Variants in NDUFC2 observed in about 807,000 individuals in gnomAD.
NDUFC2 encodes the protein NADH dehydrogenase [ubiquinone] 1 subunit C2.
NDUFC2 carries 2 observed loss-of-function variants against 10.1 expected under a neutral mutation model. The observed-to-expected ratio is 0.20, with a 90% CI of 0.08 to 0.62. NDUFC2 has a LOEUF of 0.62. Among genes scored for constraint, NDUFC2 ranks in the 20% least tolerant of loss-of-function variants. The pLI is 0.87. For missense variants in NDUFC2, 156 were observed against 159.6 expected (o/e 0.98, Z 0.12); for synonymous variants, 61 against 63.6 (o/e 0.96, Z 0.20).
chr11:78,077,570 T>C (rs867037716), intron 1 of NDUFC2, among the ~76,000 whole-genome samples: 38 of 152,202 alleles, frequency 2.5e-4, no homozygotes, highest in African/African-American at 8.9e-4. Flanking sequence ...TATTTATTTA[T>C]TGGAGACAAG....
chr11:78,072,013 C>A (rs559287301), intron 2 of NDUFC2, among the ~76,000 whole-genome samples: 1 of 152,078 alleles, frequency 6.6e-6, no homozygotes, highest in East Asian at 1.9e-4. Context: ...GACGAAGCTA[C>A]AATCCATGAA....
intron 1 of NDUFC2, among the ~76,000 whole-genome samples, chr11:78,078,728 C>CTTTTTTTTTT (rs71046953): frequency 0.016 from 987 of 61,550 alleles, 257 homozygotes; most frequent in Non-Finnish European, 0.024. Context: ...TCAGGATCCG[C>CTTTTTTTTTT]TTTTTTTTTT....
intron 1 of NDUFC2, among the ~76,000 whole-genome samples, chr11:78,074,948 C>A (rs974539230): frequency 3.3e-5 from 5 of 152,200 alleles, no homozygotes; most frequent in Non-Finnish European, 7.3e-5. Flanking sequence ...AGCATCCTAG[C>A]CCTAAAGGCA....
chr11:78,079,796 AAACCACGAC>A lies in NDUFC2; in HGVS notation c.-61_-53del. Reference sequence around the variant, plus strand: ...GGTCTCAGACCACGAACTACAAGGAAAACCACGACGACCACTACCCCGGCCTAAGCGGTC... The same window carrying A: ...GGTCTCAGACCACGAACTACAAGGAAGACCACTACCCCGGCCTAAGCGGTC... On this transcript the variant is annotated 5_prime_UTR_variant, in exon 1 of 3. Coordinates refer to ENST00000281031, the MANE Select transcript of NDUFC2 (RefSeq NM_004549.6). 6.4e-7 allele frequency: 1 copy of A among 1,554,928 alleles called. No homozygotes were observed. The highest frequency in any genetic ancestry group is 8.7e-7 in the Non-Finnish European group (1 of 1,156,018).
chr11:78,078,045 G>C (rs1420770658), intron 1 of NDUFC2, among the ~76,000 whole-genome samples: 1 of 152,164 alleles, frequency 6.6e-6, no homozygotes, highest in Non-Finnish European at 1.5e-5. Context: ...AATACTATTT[G>C]AGCACTGGAA....
At chr11:78,073,231 C>T (rs930059681) in intron 1 of NDUFC2, 90 bp from the exon 2 acceptor site, 2 of 1,586,018 alleles carry the variant, frequency 1.3e-6, no homozygotes, top group Admixed American at 3.7e-5. Context: ...GTGGCTCACA[C>T]CTGTAATCCC....
chr11:78,075,564 T>C (rs1208500560), intron 1 of NDUFC2, among the ~76,000 whole-genome samples: 2 of 152,222 alleles, frequency 1.3e-5, no homozygotes, highest in Non-Finnish European at 2.9e-5. Context: ...TTTTATTTCA[T>C]TGATAGAAAT....
In NDUFC2 at chr11:78,079,623, C is replaced by T; in HGVS notation, c.122G>A (p.Gly41Asp). 1 of 1,570,656 alleles carries T rather than the reference C, an allele frequency of 6.4e-7. No individual in the cohort carries two copies. ...CCGCCGGATTAGGTTATCAATCAGG[C>T]CGGAGCAGTAGCCCAAGAAGCCGAT... The part of the protein sequence containing the change: ...LYIGFLGYCS[G>D]LIDNLIRRRP... The change falls in exon 1 of 3, where the codon GGC becomes GAC. Residue 41 changes from glycine to aspartate, a missense_variant. Gly to Asp is a moderately conservative substitution (Grantham distance 94, BLOSUM62 -1). Transcript: ENST00000281031.
intron 1 of NDUFC2, among the ~76,000 whole-genome samples, chr11:78,077,643 C>CGTCCTGGGCTCAAGTGATT (rs1859309125): frequency 2.0e-5 from 3 of 151,982 alleles, no homozygotes; most frequent in Non-Finnish European, 2.9e-5. Context: ...GCAGCCTCAA[C>CGTCCTGGGCTCAAGTGATT]CTCCTGGGCT....
In NDUFC2 at chr11:78,068,553, A is replaced by G. The variant is rs148257064; in HGVS notation, c.*1434T>C. The G allele has an allele frequency of 6.6e-6, 1 of 152,188 alleles. No homozygotes were observed. Among genetic ancestry groups the G allele is most frequent in the Admixed American group, 6.5e-5 (1 of 15,280 alleles). 9.4% of individuals were successfully genotyped at this position (152,188 alleles called of 1,614,324 possible). A position where few individuals can be genotyped will look rare whatever the true frequency, so the allele number is the denominator to read the frequency against. On this transcript the variant is annotated 3_prime_UTR_variant, in exon 3 of 3. Coordinates refer to ENST00000281031, the MANE Select transcript of NDUFC2 (RefSeq NM_004549.6). The stretch of plus-strand genomic sequence containing the variant: ...TGTAATTCCAACACTTTGGAAGGCC[A>G]AGGCAGGTGGATCACAAGGTCAAGA...
At chr11:78,074,612 C>CAA (rs561855044) in intron 1 of NDUFC2, among the ~76,000 whole-genome samples, 3 of 124,950 alleles carry the variant, frequency 2.4e-5, no homozygotes, top group East Asian at 2.3e-4. Context: ...GACTCTGTCT[C>CAA]AAAAAAAAAA....
intron 2 of NDUFC2, chr11:78,072,781 T>G: frequency 3.2e-6 from 2 of 632,000 alleles, no homozygotes. Context: ...GCAGGAGGTT[T>G]GGGAAGGCAG....
intron 2 of NDUFC2, among the ~76,000 whole-genome samples, chr11:78,071,636 G>T (rs190241220): frequency 1.3e-5 from 2 of 152,140 alleles, no homozygotes; most frequent in Non-Finnish European, 2.9e-5. Context: ...TCTGTGTTGT[G>T]TATATGTGTG....
intron 1 of NDUFC2, among the ~76,000 whole-genome samples, chr11:78,075,607 A>G (rs1859215533): frequency 6.6e-6 from 1 of 152,210 alleles, no homozygotes; most frequent in Admixed American, 6.5e-5. Context: ...TTATTATGAG[A>G]CAGAATCTTG....
At chr11:78,077,981 C>T (rs541055769) in intron 1 of NDUFC2, among the ~76,000 whole-genome samples, 2 of 152,284 alleles carry the variant, frequency 1.3e-5, no homozygotes, top group South Asian at 2.1e-4. Flanking sequence ...CATAAACGGA[C>T]AAAGATGACT....
chr11:78,069,655 A>C lies in NDUFC2; in HGVS notation c.*332T>G. The C allele has an allele frequency of 3.6e-6, 2 of 562,292 alleles. No homozygotes were observed. The highest frequency in any genetic ancestry group is 5.0e-5 in the South Asian group (2 of 39,840). 34.8% of individuals were successfully genotyped at this position (562,292 alleles called of 1,614,324 possible). ...CTCAATTCTGCTCTTGCAGCATGGC[A>C]GTCGCCATAAACAACATGTAAACAA... is the stretch of plus-strand genomic sequence containing the variant. On this transcript the variant is annotated 3_prime_UTR_variant, in exon 3 of 3. Transcript: ENST00000281031.
intron 2 of NDUFC2, among the ~76,000 whole-genome samples, chr11:78,071,748 G>A (rs371858732): frequency 6.6e-5 from 10 of 152,306 alleles, no homozygotes; most frequent in African/African-American, 2.4e-4. Flanking sequence ...CTGGGTGAAA[G>A]CTTCACTGAG....
At chr11:78,078,630 C>G (rs1159280516) in intron 1 of NDUFC2, among the ~76,000 whole-genome samples, 1 of 151,936 alleles carries the variant, frequency 6.6e-6, no homozygotes, top group East Asian at 1.9e-4. Context: ...GGTTTAGAGC[C>G]TCCTATTCAA....
intron 1 of NDUFC2, among the ~76,000 whole-genome samples, chr11:78,076,269 G>A (rs1859247581): frequency 6.6e-6 from 1 of 152,026 alleles, no homozygotes; most frequent in African/African-American, 2.4e-5. Flanking sequence ...TGCCTCCCGA[G>A]TAGCTGGGAT....
Sources: gnomAD v4.1 joint callset for allele counts (sites outside exome capture counted in the v4.1 genomes callset) on GRCh38, gnomAD v4.1.1 for gene constraint, MANE v1.5 for transcripts, NCBI Gene and HGNC (gene_info 2026-07-23, HGNC 2026-07-21) for gene names.